Variants in ITGA6 observed in about 807,000 individuals in gnomAD.
ITGA6 encodes integrin alpha-6.
ITGA6 carries 63 observed loss-of-function variants against 133.6 expected under a neutral mutation model. The observed-to-expected ratio is 0.47, with a 90% CI of 0.38 to 0.58. The LOEUF (loss-of-function observed/expected upper bound fraction) is 0.58. ITGA6 is among the 20% of genes least tolerant of loss of function. The probability of loss-of-function intolerance (pLI) is 0.00; values close to 1 mark genes in which losing one functional copy is unlikely to be tolerated. For synonymous variants in ITGA6, 434 were observed against 482.0 expected (o/e 0.90, Z 1.30); for missense variants, 1,068 against 1,309.4 (o/e 0.82, Z 2.85).
intron 9 of ITGA6, 146 bp downstream of exon 9, chr2:172,476,659 A>G: frequency 1.5e-6 from 1 of 657,204 alleles, no homozygotes; most frequent in Middle Eastern, 3.7e-4. Flanking sequence ...TGAAGTTAGT[A>G]AACAATGTAA....
At chr2:172,489,415 TA>T in intron 19 of ITGA6, 69 bp from the exon 20 acceptor site, 1 of 1,243,396 alleles carries the variant, frequency 8.0e-7, no homozygotes, top group Non-Finnish European at 1.2e-6. Flanking sequence ...TTTCTCTTGG[TA>T]AAAGGAGCTG....
At chr2:172,496,574 C>T (rs1687135722) in intron 23 of ITGA6, among the ~76,000 whole-genome samples, 1 of 152,124 alleles carries the variant, frequency 6.6e-6, no homozygotes, top group African/African-American at 2.4e-5. Flanking sequence ...ATAGCAGCAT[C>T]CAGGGTTCAA....
At position 172,487,402 on chromosome 2, in the gene ITGA6, G is replaced by A. The variant is rs141344340; in HGVS notation, c.2109G>A (p.Thr703=). The change falls in exon 15 of 26, where the codon ACG becomes ACA. Residue 703 remains threonine (T), a synonymous_variant. Coordinates refer to ENST00000684293, the MANE Select transcript of ITGA6 (RefSeq NM_000210.4). ...CCCATGAGGCTAAACTGATTGCAAC[G>A]TTTCCAGACACTTTAACCTATTCTG... ...DDAHEAKLIA[T]FPDTLTYSAY... The A allele has an allele frequency of 2.8e-4, 452 of 1,614,120 alleles. 3 individuals carry two copies. Among genetic ancestry groups the A allele is most frequent in the Middle Eastern group, 2.3e-3 (14 of 6,062 alleles).
chr2:172,502,815 A>G (rs1687400043), intron 25 of ITGA6, among the ~76,000 whole-genome samples: 1 of 152,188 alleles, frequency 6.6e-6, no homozygotes, highest in Non-Finnish European at 1.5e-5. Context: ...GAGAGGACAG[A>G]ATTACTCCTG....
chr2:172,504,122 A>T lies in ITGA6; in HGVS notation c.*54A>T. ...TTCTTTAAACGCTCTAGGTACGATG[A>T]CAGTGTTCCCCGATACCATGCTGTA... On this transcript the variant is annotated 3_prime_UTR_variant, in exon 26 of 26. Coordinates refer to ENST00000684293, the MANE Select transcript of ITGA6 (RefSeq NM_000210.4). The T allele has an allele frequency of 6.2e-7, 1 of 1,600,910 alleles. No individual in the cohort carries two copies. The highest frequency in any genetic ancestry group is 8.5e-7 in the Non-Finnish European group (1 of 1,172,970).
intron 1 of ITGA6, among the ~76,000 whole-genome samples, chr2:172,457,758 G>A (rs574715811): frequency 2.0e-5 from 3 of 152,122 alleles, no homozygotes; most frequent in Non-Finnish European, 2.9e-5. Context: ...CTTCAAACTG[G>A]GGGGGAAGCT....
intron 3 of ITGA6, among the ~76,000 whole-genome samples, chr2:172,467,962 AAAG>A (rs59386043): frequency 0.27 from 41,044 of 151,722 alleles, 7,492 homozygotes; most frequent in East Asian, 0.79. Context: ...AAAGAAAAAA[AAAG>A]AAGAAGTAAT....
At chr2:172,495,863 C>T (rs16860576) in intron 23 of ITGA6, among the ~76,000 whole-genome samples, 2,289 of 151,558 alleles carry the variant, frequency 0.015, 48 homozygotes, top group African/African-American at 0.052. Context: ...TGGCTTTCCC[C>T]TACTGTCAGC....
chr2:172,449,904 A>C (rs1684913377), intron 1 of ITGA6, among the ~76,000 whole-genome samples: 1 of 134,338 alleles, frequency 7.4e-6, no homozygotes, highest in Admixed American at 8.2e-5. Flanking sequence ...CTGGGCAATG[A>C]GAGTGAAACT....
intron 16 of ITGA6, 31 bp from the exon 17 acceptor site, chr2:172,487,697 C>T: frequency 6.3e-7 from 1 of 1,591,248 alleles, no homozygotes; most frequent in African/African-American, 1.3e-5. Context: ...GTATGCATGG[C>T]CTGTGTTAAC....
At chr2:172,483,541 T>A (rs1686538475) in intron 11 of ITGA6, among the ~76,000 whole-genome samples, 1 of 152,190 alleles carries the variant, frequency 6.6e-6, no homozygotes, top group African/African-American at 2.4e-5. Flanking sequence ...TTAATGAATG[T>A]AAGTAATTTA....
intron 14 of ITGA6, 54 bp from the exon 15 acceptor site, chr2:172,487,210 T>C: frequency 6.5e-7 from 1 of 1,550,382 alleles, no homozygotes; most frequent in Non-Finnish European, 8.9e-7. Flanking sequence ...GAAAGTTTAC[T>C]GGAAACGTAT....
rs1399069984 is a variant in ITGA6 at position 172,491,594 on chromosome 2, G to A, written c.2988+71G>A. 7.9e-6 allele frequency: 8 copies of A among 1,006,346 alleles called. No individual in the cohort carries two copies. The highest frequency in any genetic ancestry group is 1.1e-5 in the Non-Finnish European group (7 of 644,594). The allele number at this position is 1,006,346 out of a possible 1,614,324, so 62.3% of individuals were successfully genotyped here. On this transcript the variant is annotated intron_variant, in intron 23 of 25. Transcript: ENST00000684293. The surrounding 1 kb of genome is among the most constrained non-coding windows in gnomAD (Gnocchi z 4.4). ...TCCCTGTACCCCACACTCATGTCCT[G>A]AAGTCATGTGCTTTGGTGCTCATTT...
chr2:172,462,945 G>A (rs1026873323), intron 1 of ITGA6, among the ~76,000 whole-genome samples: 5 of 152,084 alleles, frequency 3.3e-5, no homozygotes, highest in African/African-American at 9.7e-5. Flanking sequence ...TGCATATGCT[G>A]TGTTCCTTAC....
At chr2:172,499,067 A>G (rs922763416) in intron 24 of ITGA6, among the ~76,000 whole-genome samples, 3 of 152,212 alleles carry the variant, frequency 2.0e-5, no homozygotes, top group African/African-American at 7.2e-5. Context: ...TCAACCCCCT[A>G]GGATCAGACT....
chr2:172,464,733 AG>A (rs1465948184), intron 1 of ITGA6, among the ~76,000 whole-genome samples: 1 of 152,230 alleles, frequency 6.6e-6, no homozygotes, highest in Non-Finnish European at 1.5e-5. Context: ...GGGGAGAAGA[AG>A]GAATATTACA....
At chr2:172,495,402 A>G (rs1163383611) in intron 23 of ITGA6, 2 of 152,196 alleles carry the variant, frequency 1.3e-5, no homozygotes, top group African/African-American at 2.4e-5. Flanking sequence ...TTGGTGTGAC[A>G]AGACAGAACA....
chr2:172,466,991 A>C (rs1685704353), intron 2 of ITGA6, among the ~76,000 whole-genome samples: 1 of 152,190 alleles, frequency 6.6e-6, no homozygotes, highest in South Asian at 2.1e-4. Flanking sequence ...TCCTAAAGTA[A>C]ATCTGAGTCT....
At chr2:172,433,746 TC>T (rs1453015014) in intron 1 of ITGA6, among the ~76,000 whole-genome samples, 1 of 152,168 alleles carries the variant, frequency 6.6e-6, no homozygotes, top group African/African-American at 2.4e-5. Flanking sequence ...TTCATCACAT[TC>T]TCCCTTTCTT....
Sources: allele counts gnomAD v4.1 joint callset (sites outside exome capture counted in the v4.1 genomes callset), GRCh38; gene constraint gnomAD v4.1.1; non-coding constraint Gnocchi (gnomAD v3.1); transcripts MANE v1.5; gene names NCBI Gene and HGNC (gene_info 2026-07-23, HGNC 2026-07-21).